TTN: variants seen among roughly 807,000 people sequenced by gnomAD.
TTN encodes the protein titin.
Under a neutral mutation model 3,223.0 loss-of-function variants are expected in TTN, and 1,525 were observed. That is an observed-to-expected ratio of 0.47 (90% CI 0.45 to 0.49). The LOEUF (loss-of-function observed/expected upper bound fraction) is 0.49. Ranked by LOEUF, TTN falls within the 20% of genes least tolerant of loss-of-function variation. The pLI, the probability that TTN is intolerant of heterozygous loss-of-function variation, is 0.00. For missense variants in TTN, 40,786 were observed against 43,424.0 expected (o/e 0.94, Z 5.40); for synonymous variants, 14,094 against 15,161.0 (o/e 0.93, Z 5.17).
chr2:178,788,377 C>A (rs1422466070), intron 13 of TTN, among the ~76,000 whole-genome samples: 1 of 151,746 alleles, frequency 6.6e-6, no homozygotes, highest in Non-Finnish European at 1.5e-5. Flanking sequence ...TGAATGGAAA[C>A]AAAAGTAAAA....
Position 178,769,745 on chromosome 2 carries a change from C to A in TTN, c.8836G>T (p.Glu2946Ter), listed in dbSNP as rs1408304174. Residue 2946 changes from glutamate to a stop codon, truncating the protein, a stop_gained, in exon 37 of 363, where the codon GAG (glutamate) becomes TAG (stop). Coordinates refer to ENST00000589042, the MANE Select transcript of TTN (RefSeq NM_001267550.2). LOFTEE classifies it high-confidence loss of function. ...ACAAATGTGTATTCTGCCGAGTCCT[C>A]TGTGCTGGTGTTCATGATGATCAGC... ...HQLIIMNTST[E>*]DSAEYTFVCG... 6.2e-7 allele frequency: 1 copy of A among 1,614,046 alleles called. No homozygotes were observed. The highest frequency in any genetic ancestry group is 8.5e-7 in the Non-Finnish European group (1 of 1,179,992).
Position 178,714,167 on chromosome 2 carries a change from T to C in TTN, c.26491A>G (p.Thr8831Ala). Residue 8831 changes from threonine to alanine, a missense_variant, in exon 92 of 363, where the codon ACA becomes GCA. Physicochemically the swap from Thr to Ala is moderately conservative, Grantham distance 58. Coordinates refer to ENST00000589042, the MANE Select transcript of TTN (RefSeq NM_001267550.2). ...FATLSVLEPA[T>A]IVEKPESIKV... ...ATGGATTCTGGCTTTTCTACAATTG[T>C]TGCAGGCTCTGGAATGAAATGTAAA... 6.2e-7 allele frequency: 1 copy of C among 1,608,670 alleles called. No homozygotes were observed. The highest frequency in any genetic ancestry group is 8.5e-7 in the Non-Finnish European group (1 of 1,177,728).
intron 47 of TTN, chr2:178,748,427 T>G: frequency 1.2e-6 from 2 of 1,613,216 alleles, no homozygotes; most frequent in Non-Finnish European, 1.7e-6. Flanking sequence ...ATTGTGTGTG[T>G]CAGGTTGTAA....
intron 153 of TTN, 40 bp downstream of exon 153, chr2:178,672,595 A>C (rs1429787766): frequency 2.5e-6 from 4 of 1,609,818 alleles, no homozygotes; most frequent in Non-Finnish European, 3.4e-6. Context: ...TTAACGAAAA[A>C]AGACAGAAGA....
Position 178,569,374 on chromosome 2 carries a change from G to A in TTN, c.76758C>T (p.Ser25586=). ...TAACAAAGGCAGACTTTGTTCCACTGCTGTTTTCTAATGTAAGCGTATATT... is the reference window on the plus strand; with the variant it reads ...TAACAAAGGCAGACTTTGTTCCACTACTGTTTTCTAATGTAAGCGTATATT... ...SGKYTLTLEN[S]SGTKSAFVTV... The change falls in exon 326 of 363, where the codon AGC becomes AGT. Residue 25586 remains serine (S), a synonymous_variant. Transcript: ENST00000589042. The A allele has an allele frequency of 6.2e-7, 1 of 1,613,408 alleles. No individual in the cohort carries two copies. Among genetic ancestry groups the A allele is most frequent in the Non-Finnish European group, 8.5e-7 (1 of 1,179,554 alleles).
At chr2:178,668,562 C>T (rs1358603537) in intron 159 of TTN, among the ~76,000 whole-genome samples, 1 of 151,842 alleles carries the variant, frequency 6.6e-6, no homozygotes, top group Non-Finnish European at 1.5e-5. Context: ...AAAACCCTGT[C>T]TCTACTAAAA....
chr2:178,803,609 AG>A (rs1308565269), intron 2 of TTN, among the ~76,000 whole-genome samples: 1 of 151,976 alleles, frequency 6.6e-6, no homozygotes, highest in East Asian at 1.9e-4. Context: ...AGAGAAAAAA[AG>A]AAATTTTATT....
rs188209175 is a variant in TTN at position 178,668,663 on chromosome 2, C to T, written c.35545+710G>A. On this transcript the variant is annotated intron_variant, in intron 159 of 362. Transcript: ENST00000589042. ...AGGAGAATAGCTTGAACCCAGGAGA[C>T]GGAGGTTGCAGTGAGCCAAGATCGT... 5.1e-3 allele frequency among the ~76,000 whole-genome samples: 760 copies of T among 148,878 alleles called. 4 individuals carry two copies. Among genetic ancestry groups the T allele is most frequent in the Non-Finnish European group, 8.8e-3 (594 of 67,682 alleles).
rs794729595 is a variant in TTN, at chr2:178,748,392, C to T, written c.11311+4732G>A. On this transcript the variant is annotated intron_variant, in intron 47 of 362. Transcript: ENST00000589042. ...GAAGAAATTTCTTGACTGGCAAATA[C>T]ATTATTTTGCACACTTTTAGAGATA... The T allele has an allele frequency of 6.2e-7, 1 of 1,613,130 alleles. No individual in the cohort carries two copies. The highest frequency in any genetic ancestry group is 8.5e-7 in the Non-Finnish European group (1 of 1,179,424).
rs727505078 is a variant in TTN at position 178,620,371 on chromosome 2, G to C, written c.46150C>G (p.Leu15384Val). Residue 15384 changes from leucine (L) to valine (V), a missense_variant, in exon 248 of 363, where the codon CTT (leucine) becomes GTT (valine). By Grantham distance (32) the Leu-to-Val change is conservative. Coordinates refer to ENST00000589042, the MANE Select transcript of TTN (RefSeq NM_001267550.2). ...TCTGTCGGGGCTTCTATGATGAGAA[G>C]CTCAGCAACAGATTTATCTTGTCCA... is the stretch of plus-strand genomic sequence containing the variant. Reference protein sequence around the residue: ...TAGQDKSVAELLIIEAPTEFV... With the variant: ...TAGQDKSVAEVLIIEAPTEFV... The C allele has an allele frequency of 9.3e-6, 15 of 1,610,832 alleles. No individual in the cohort carries two copies. The highest frequency in any genetic ancestry group is 1.7e-5 in the Admixed American group (1 of 59,764).
intron 239 of TTN, 112 bp downstream of exon 239, chr2:178,630,129 T>TTG (rs1398607592): frequency 6.9e-7 from 1 of 1,452,952 alleles, no homozygotes; most frequent in African/African-American, 1.4e-5. Context: ...GAGCCAGTTT[T>TTG]TGTGTTTTAA....
chr2:178,735,662 G>T lies in TTN; in HGVS notation c.14784C>A (p.Leu4928=), dbSNP rs373875040. The T allele has an allele frequency of 1.5e-4, 248 of 1,613,746 alleles. No individual in the cohort carries two copies. The African/African-American group carries it at 2.7e-3, about 18-fold the overall frequency. The change falls in exon 50 of 363, where the codon CTC becomes CTA. Residue 4928 remains leucine (L), a synonymous_variant. Coordinates refer to ENST00000589042, the MANE Select transcript of TTN (RefSeq NM_001267550.2). ...TVTWSKDGQK[L]PPGKDYKICF... is the part of the protein sequence containing the mutation. ...AGATCTTATAATCTTTCCCTGGGGG[G>T]AGTTTTTGCCCATCTTTGCTCCACG...
Position 178,727,320 on chromosome 2 carries a change from C to A in TTN, c.20045G>T (p.Gly6682Val), listed in dbSNP as rs534432929. 28 of 1,610,694 alleles carry A rather than the reference C, an allele frequency of 1.7e-5. 1 individual carries two copies. The South Asian group carries it at 3.0e-4, about 17-fold the overall frequency. ...CTTGCATTCAAGTCGTGAAGAGTCACCTGCTTTCACAATTTTGGAGGCTTC... is the reference window on the plus strand; with the variant it reads ...CTTGCATTCAAGTCGTGAAGAGTCAACTGCTTTCACAATTTTGGAGGCTTC... ...KLEASKIVKA[G>V]DSSRLECKIA... is the part of the protein sequence containing the mutation. Residue 6682 changes from glycine to valine, a missense_variant, in exon 69 of 363, where the codon GGT (glycine) becomes GTT (valine). Coordinates refer to ENST00000589042, the MANE Select transcript of TTN (RefSeq NM_001267550.2).
intron 240 of TTN, among the ~76,000 whole-genome samples, 154 bp from the exon 241 acceptor site, chr2:178,625,550 T>C (rs1315642605): frequency 5.9e-5 from 9 of 152,004 alleles, no homozygotes. Context: ...TTTCAACCAA[T>C]AGTTTGGGAT....
chr2:178,617,586 TATATC>T, intron 253 of TTN, 74 bp from the exon 254 acceptor site: 3 of 1,380,178 alleles, frequency 2.2e-6, no homozygotes, highest in South Asian at 1.5e-5. Context: ...TGTAATCAAT[TATATC>T]ATCCTCATTA....
At position 178,607,094 on chromosome 2, in the gene TTN, A is replaced by G. The variant is rs370978080; in HGVS notation, c.53508T>C (p.Arg17836=). ...GLLEGQEYKF[R]VIAKNKFGCG... is the part of the protein sequence containing the mutation. ...AGCCAAACTTGTTCTTGGCAATAAC[A>G]CGGAACTTATATTCTTGTCCCTCAA... Residue 17836 remains arginine (R), a synonymous_variant, in exon 278 of 363, where the codon CGT becomes CGC. Coordinates refer to ENST00000589042, the MANE Select transcript of TTN (RefSeq NM_001267550.2). The G allele has an allele frequency of 2.5e-6, 4 of 1,612,456 alleles. No homozygotes were observed. Among genetic ancestry groups the G allele is most frequent in the Admixed American group, 3.3e-5 (2 of 59,896 alleles).
chr2:178,779,874 C>T lies in TTN; in HGVS notation c.3729+126G>A. The T allele has an allele frequency of 4.5e-6, 4 of 882,560 alleles. No homozygotes were observed. The South Asian group carries it at 6.7e-5, about 15-fold the overall frequency. The allele number at this position is 882,560 out of a possible 1,614,324, so 54.7% of individuals were successfully genotyped here. ...CATGAAGATTAAGGAAACTTAGCAA[C>T]AGTGAACTTGGACCTTCTAATAGCT... On this transcript the variant is annotated intron_variant, in intron 22 of 362. Coordinates refer to ENST00000589042, the MANE Select transcript of TTN (RefSeq NM_001267550.2).
intron 213 of TTN, among the ~76,000 whole-genome samples, chr2:178,648,705 C>T (rs1053422003): frequency 3.3e-5 from 5 of 152,128 alleles, no homozygotes; most frequent in African/African-American, 4.8e-5. Context: ...CCACCACATC[C>T]GGCCTTATTT....
rs758427242 is a variant in TTN at position 178,795,156 on chromosome 2, T to C, written c.1011A>G (p.Thr337=). 2.5e-5 allele frequency: 41 copies of C among 1,614,032 alleles called. No individual in the cohort carries two copies. The East Asian group carries it at 4.2e-4, about 17-fold the overall frequency. ...MRKTQASTVA[T]GPEVPPPWKQ... is the part of the protein sequence containing the mutation. The stretch of plus-strand genomic sequence containing the variant: ...TCCAAGGGGGAGGCACTTCAGGACC[T>C]GTGGCCACGGTGGATGCCTGAGTCT... Residue 337 remains threonine (T), a synonymous_variant, in exon 7 of 363, where the codon ACA becomes ACG. Transcript: ENST00000589042.
Sources: allele counts gnomAD v4.1 joint callset (sites outside exome capture counted in the v4.1 genomes callset), GRCh38; gene constraint gnomAD v4.1.1; transcripts MANE v1.5; gene names NCBI Gene and HGNC (gene_info 2026-07-23, HGNC 2026-07-21).